Variants in ACTA2 observed in about 807,000 individuals in gnomAD.
The protein encoded by ACTA2 is actin alpha 2, smooth muscle.
A neutral mutation model predicts 39.5 loss-of-function variants in ACTA2; 12 were observed. The ratio of observed to expected loss-of-function variants is 0.30; its 90% CI spans 0.19 to 0.49. The LOEUF (loss-of-function observed/expected upper bound fraction) is 0.49. Ranked by LOEUF, ACTA2 falls within the 20% of genes least tolerant of loss-of-function variation. ACTA2 has a pLI of 0.99. For synonymous variants in ACTA2, 158 were observed against 180.6 expected (o/e 0.88, Z 1.00); for missense variants, 236 against 498.8 (o/e 0.47, Z 5.02).
intron 1 of ACTA2, among the ~76,000 whole-genome samples, chr10:88,958,970 C>T (rs867133541): frequency 2.6e-5 from 4 of 152,164 alleles, no homozygotes; most frequent in Admixed American, 6.5e-5. Context: ...GTATATTACT[C>T]ATAGGGACTC....
At chr10:88,937,921 T>C in intron 8 of ACTA2, 140 bp downstream of exon 8, 1 of 896,860 alleles carries the variant, frequency 1.1e-6, no homozygotes. Context: ...TCCTGTAAAA[T>C]ATGAGATTTG....
intron 1 of ACTA2, among the ~76,000 whole-genome samples, chr10:88,959,839 G>C (rs1445008405): frequency 1.3e-5 from 2 of 151,038 alleles, no homozygotes; most frequent in Non-Finnish European, 3.0e-5. Context: ...TAATGACCTT[G>C]ACAGTTTTGA....
Position 88,935,205 on chromosome 10 carries a change from G to C in ACTA2, c.*18C>G, listed in dbSNP as rs1170756839. The C allele has an allele frequency of 1.2e-5, 20 of 1,612,042 alleles. No homozygotes were observed. The highest frequency in any genetic ancestry group is 1.6e-5 in the Non-Finnish European group (19 of 1,179,556). On this transcript the variant is annotated 3_prime_UTR_variant, in exon 9 of 9. Coordinates refer to ENST00000224784, the MANE Select transcript of ACTA2 (RefSeq NM_001613.4). ...TTCACAGTTGTGTGCTAGAGACAGAGAGGAGCAGGAAAGTGTTTTAGAAGC... is the reference window on the plus strand; with the variant it reads ...TTCACAGTTGTGTGCTAGAGACAGACAGGAGCAGGAAAGTGTTTTAGAAGC...
Position 88,991,026 on chromosome 10 carries a change from G to C in ACTA2, c.-111C>G, listed in dbSNP as rs1005491142. Reference sequence around the variant, plus strand: ...GGCAGCGGCGCACGCGGGCACCTGGGAGCGGCGGGCTGCTGCGGGAGGCGT... The same window carrying C: ...GGCAGCGGCGCACGCGGGCACCTGGCAGCGGCGGGCTGCTGCGGGAGGCGT... On this transcript the variant is annotated 5_prime_UTR_variant, in exon 1 of 5. Transcript: ENST00000415557. 4 of 1,401,530 alleles carry C rather than the reference G, an allele frequency of 2.9e-6. No individual in the cohort carries two copies. The South Asian group carries it at 3.6e-5, about 13-fold the overall frequency. The allele number at this position is 1,401,530 out of a possible 1,614,324, so 86.8% of individuals were successfully genotyped here.
chr10:88,948,841 C>T lies in ACTA2; in HGVS notation c.90G>A (p.Arg30=). Residue 30 remains arginine (R), a synonymous_variant, in exon 2 of 9, where the codon AGG becomes AGA. Transcript: ENST00000224784. ...GTCCCACAATGGATGGGAAAACAGC[C>T]CTGGGAGCATCGTCCCCAGCAAAGC... ...KAGFAGDDAP[R]AVFPSIVGRP... 1 of 1,613,982 alleles carries T rather than the reference C, an allele frequency of 6.2e-7. No individual in the cohort carries two copies. The highest frequency in any genetic ancestry group is 1.7e-4 in the Middle Eastern group (1 of 6,056).
chr10:88,972,945 G>A (rs1846482790), intron 1 of ACTA2, among the ~76,000 whole-genome samples: 1 of 152,124 alleles, frequency 6.6e-6, no homozygotes, highest in Non-Finnish European at 1.5e-5. Context: ...TTGTGTTTGT[G>A]TATGTGTATG....
chr10:88,978,402 A>T (rs1380803116), intron 1 of ACTA2, among the ~76,000 whole-genome samples: 5 of 152,094 alleles, frequency 3.3e-5, no homozygotes, highest in Admixed American at 2.0e-4. Flanking sequence ...AGTATAATAA[A>T]AAATAAATAA....
At chr10:88,978,612 C>A (rs567198103) in intron 1 of ACTA2, among the ~76,000 whole-genome samples, 1 of 152,130 alleles carries the variant, frequency 6.6e-6, no homozygotes, top group African/African-American at 2.4e-5. Flanking sequence ...GAAGTGACAA[C>A]CAGTCAGGCT....
At chr10:88,947,498 C>G in intron 2 of ACTA2, 112 bp from the exon 3 acceptor site, 1 of 1,492,234 alleles carries the variant, frequency 6.7e-7, no homozygotes, top group Non-Finnish European at 9.3e-7. Flanking sequence ...TTCTGATTAT[C>G]AGCAACAATA....
intron 4 of ACTA2, chr10:88,943,557 C>T (rs536326998): frequency 2.7e-5 from 15 of 559,336 alleles, no homozygotes; most frequent in African/African-American, 2.6e-4. Flanking sequence ...AACGTGGCCC[C>T]TTCTCAGTGA....
chr10:88,988,778 G>T (rs1259436362), intron 1 of ACTA2, among the ~76,000 whole-genome samples: 2 of 152,180 alleles, frequency 1.3e-5, no homozygotes, highest in East Asian at 3.8e-4. Flanking sequence ...CAAAGGCAAA[G>T]AAGTTTGGGG....
In ACTA2 at chr10:88,990,946, T is replaced by C. The variant is rs371701570; in HGVS notation, c.-31A>G. The C allele has an allele frequency of 4.5e-5, 73 of 1,613,854 alleles. No homozygotes were observed. Among genetic ancestry groups the C allele is most frequent in the Non-Finnish European group, 5.9e-5 (70 of 1,179,884 alleles). ...GCCCGGGTGGAGGCTTACCCCGTCT[T>C]AGTCCCGGGGATAGGCAAAGTGGGG... is the stretch of plus-strand genomic sequence containing the variant. On this transcript the variant is annotated 5_prime_UTR_variant, in exon 1 of 5. Coordinates refer to the ACTA2 transcript ENST00000415557. This position sits in a 1 kb window ranked among gnomAD's most constrained non-coding sequence, Gnocchi z 4.9.
At chr10:88,961,246 C>G (rs1048011237) in intron 1 of ACTA2, among the ~76,000 whole-genome samples, 10 of 152,146 alleles carry the variant, frequency 6.6e-5, no homozygotes, top group Non-Finnish European at 5.9e-5. Flanking sequence ...TTCTAACAAC[C>G]TAGCAACACA....
chr10:88,958,300 T>C (rs533241737), intron 1 of ACTA2, among the ~76,000 whole-genome samples: 32 of 152,210 alleles, frequency 2.1e-4, no homozygotes, highest in Non-Finnish European at 3.5e-4. Context: ...TCAAGGATAT[T>C]CTGAAGTGAG....
At chr10:88,947,982 C>A (rs982669791) in intron 2 of ACTA2, among the ~76,000 whole-genome samples, 5 of 152,014 alleles carry the variant, frequency 3.3e-5, no homozygotes, top group African/African-American at 9.7e-5. Flanking sequence ...TAAAAAAAAT[C>A]ATTAAGGTGA....
intron 1 of ACTA2, among the ~76,000 whole-genome samples, chr10:88,981,674 CTG>C (rs1179395231): frequency 1.3e-5 from 2 of 152,092 alleles, no homozygotes; most frequent in African/African-American, 4.8e-5. Context: ...GAAGGGAACA[CTG>C]TAGGGAGGGA....
chr10:88,983,151 T>C (rs1204335523), intron 1 of ACTA2, among the ~76,000 whole-genome samples: 1 of 152,194 alleles, frequency 6.6e-6, no homozygotes, highest in Non-Finnish European at 1.5e-5. Flanking sequence ...ACTGTCTTAA[T>C]TAGATTATCT....
intron 2 of ACTA2, chr10:88,948,411 C>T: frequency 5.1e-6 from 1 of 196,136 alleles, no homozygotes. Context: ...TGCTTGCTTT[C>T]ATCTAACATC....
chr10:88,972,865 GT>G (rs1846480799), intron 1 of ACTA2, among the ~76,000 whole-genome samples: 1 of 152,096 alleles, frequency 6.6e-6, no homozygotes, highest in Non-Finnish European at 1.5e-5. Context: ...TTTTTCCAGT[GT>G]CTACTTAACT....
Sources: gnomAD v4.1 joint callset for allele counts (sites outside exome capture counted in the v4.1 genomes callset) on GRCh38, gnomAD v4.1.1 for gene constraint, Gnocchi (gnomAD v3.1) non-coding constraint, MANE v1.5 for transcripts, NCBI Gene and HGNC (gene_info 2026-07-23, HGNC 2026-07-21) for gene names.